The following LARGE1 variants were observed in gnomAD, a reference collection of about 807,000 sequenced individuals.
LARGE1 encodes xylosyl- and glucuronyltransferase LARGE1.
LARGE1 carries 43 observed loss-of-function variants against 87.6 expected under a neutral mutation model. The observed-to-expected ratio is 0.49, with a 90% CI of 0.38 to 0.63. LARGE1 has a LOEUF of 0.63. Ranked by LOEUF, LARGE1 falls within the 30% of genes least tolerant of loss-of-function variation. The pLI, the probability that LARGE1 is intolerant of heterozygous loss-of-function variation, is 0.00. For missense variants in LARGE1, 802 were observed against 1,000.2 expected (o/e 0.80, Z 2.67); for synonymous variants, 434 against 394.6 (o/e 1.10, Z -1.18).
At chr22:33,369,594 T>G (rs528770435) in intron 9 of LARGE1, among the ~76,000 whole-genome samples, 1 of 152,352 alleles carries the variant, frequency 6.6e-6, no homozygotes, top group South Asian at 2.1e-4. Flanking sequence ...AGACAGAGTC[T>G]TGCTCTATAG....
At chr22:33,554,973 G>A (rs1208466887) in intron 6 of LARGE1, among the ~76,000 whole-genome samples, 1 of 152,156 alleles carries the variant, frequency 6.6e-6, no homozygotes, top group Non-Finnish European at 1.5e-5. Context: ...CTTACACTGA[G>A]TTAGCCCACC....
intron 9 of LARGE1, among the ~76,000 whole-genome samples, chr22:33,355,248 C>T (rs1297569687): frequency 6.6e-6 from 1 of 152,188 alleles, no homozygotes; most frequent in African/African-American, 2.4e-5. Context: ...CTGGATACCT[C>T]TAAGCAATAT....
At chr22:33,206,376 G>C (rs1924684611) in intron 11 of LARGE1, among the ~76,000 whole-genome samples, 1 of 152,162 alleles carries the variant, frequency 6.6e-6, no homozygotes, top group South Asian at 2.1e-4. Context: ...ACAGGCGTGA[G>C]CCACCGTGAC....
chr22:33,902,671 G>C (rs2065317369), intron 1 of LARGE1, among the ~76,000 whole-genome samples: 1 of 152,158 alleles, frequency 6.6e-6, no homozygotes, highest in African/African-American at 2.4e-5. Context: ...ACTAATTTGT[G>C]TTTCAAACAA....
intron 6 of LARGE1, among the ~76,000 whole-genome samples, chr22:33,539,012 G>T (rs1463655834): frequency 1.3e-5 from 2 of 152,110 alleles, no homozygotes; most frequent in Admixed American, 6.5e-5. Context: ...GATTAGAAAA[G>T]AAATATAAAA....
At chr22:33,784,951 G>A (rs549382766) in intron 1 of LARGE1, among the ~76,000 whole-genome samples, 1 of 150,830 alleles carries the variant, frequency 6.6e-6, no homozygotes, top group East Asian at 2.0e-4. Context: ...GTGTATACAT[G>A]TGTACATGGG....
At chr22:33,275,189 A>T (rs1928987787) in intron 14 of LARGE1, among the ~76,000 whole-genome samples, 1 of 152,318 alleles carries the variant, frequency 6.6e-6, no homozygotes, top group East Asian at 1.9e-4. Context: ...TCCCTGACAC[A>T]TCTTTATCGC....
the LARGE1 span, among the ~76,000 whole-genome samples, chr22:33,095,794 C>T: frequency 3.3e-5 from 5 of 152,198 alleles, no homozygotes; most frequent in East Asian, 1.9e-4. Context: ...GTTTCCTCCC[C>T]GTAATGTGCC....
chr22:33,564,936 G>T lies in LARGE1; in HGVS notation c.699C>A (p.Ala233=). ...MKLVLTKTLP[A]NLERVIVLDT... The stretch of plus-strand genomic sequence containing the variant: ...CAAGGACGATGACTCTCTCCAGGTT[G>T]GCAGGAAGAGTCTTGGTCAGGACAA... The change falls in exon 6 of 15, where the codon GCC becomes GCA. Residue 233 remains alanine (A), a synonymous_variant. Coordinates refer to ENST00000397394, the MANE Select transcript of LARGE1 (RefSeq NM_133642.5). The T allele has an allele frequency of 6.2e-7, 1 of 1,613,958 alleles. No individual in the cohort carries two copies. The highest frequency in any genetic ancestry group is 2.2e-5 in the East Asian group (1 of 44,870).
intron 10 of LARGE1, 100 bp downstream of exon 10, chr22:33,337,546 G>T: frequency 7.0e-7 from 1 of 1,422,954 alleles, no homozygotes; most frequent in Non-Finnish European, 9.8e-7. Context: ...GTTCACCTAG[G>T]TCCTGCCATG....
At chr22:33,377,363 G>A (rs1321019459) in intron 9 of LARGE1, among the ~76,000 whole-genome samples, 2 of 152,218 alleles carry the variant, frequency 1.3e-5, no homozygotes, top group East Asian at 3.9e-4. Context: ...TGATCCTTTG[G>A]CCAAAGATAA....
chr22:33,104,892 T>TC, the LARGE1 span, among the ~76,000 whole-genome samples: 21 of 25,252 alleles, frequency 8.3e-4, no homozygotes, highest in Non-Finnish European at 1.2e-3. Flanking sequence ...TTTCTCTCTC[T>TC]TTCTTTCTTT....
chr22:33,360,795 C>T (rs976303723), intron 9 of LARGE1, among the ~76,000 whole-genome samples: 10 of 149,778 alleles, frequency 6.7e-5, no homozygotes, highest in African/African-American at 2.2e-4. Flanking sequence ...CCCAGCCCAC[C>T]GCCACTGGGC....
the LARGE1 span, among the ~76,000 whole-genome samples, chr22:33,098,792 C>T: frequency 6.6e-6 from 1 of 152,228 alleles, no homozygotes; most frequent in African/African-American, 2.4e-5. Flanking sequence ...AAATCCCACC[C>T]CACACCGCAC....
intron 1 of LARGE1, among the ~76,000 whole-genome samples, chr22:33,801,104 T>C (rs1462652903): frequency 1.3e-5 from 2 of 152,154 alleles, no homozygotes; most frequent in East Asian, 3.9e-4. Context: ...GGGTTTCCGC[T>C]TTTGCTTCTT....
At chr22:33,297,273 A>G (rs1251417467) in intron 12 of LARGE1, among the ~76,000 whole-genome samples, 2 of 152,084 alleles carry the variant, frequency 1.3e-5, no homozygotes, top group Non-Finnish European at 2.9e-5. Context: ...GCATTCCTAC[A>G]CAGTGTCAGA....
chr22:33,840,356 T>C (rs888257786), intron 1 of LARGE1, among the ~76,000 whole-genome samples: 16 of 150,356 alleles, frequency 1.1e-4, no homozygotes, highest in Non-Finnish European at 1.9e-4. Flanking sequence ...GCAGTTTTAC[T>C]TCCTGTCTTT....
At position 33,403,057 on chromosome 22, in the gene LARGE1, A is replaced by AAACAAC. The variant is rs75141421; in HGVS notation, c.893-18759_893-18754dup. 4.2e-3 allele frequency among the ~76,000 whole-genome samples: 631 copies of AAACAAC among 151,652 alleles called. 4 individuals are homozygous for AAACAAC. Among genetic ancestry groups the AAACAAC allele is most frequent in the African/African-American group, 0.014 (594 of 41,218 alleles). ...GGGCTATGGCTGTAAAAAACAAAAC[A>AAACAAC]AACAACAACAACAACAAAATACTAC... On this transcript the variant is annotated intron_variant, in intron 7 of 14. Transcript: ENST00000397394.
chr22:33,728,551 C>CGA (rs2083344789), intron 2 of LARGE1, among the ~76,000 whole-genome samples: 1 of 37,462 alleles, frequency 2.7e-5, no homozygotes, highest in Non-Finnish European at 6.8e-5. Context: ...CCCCTACCAC[C>CGA]AAAAAAAAAA....
Sources: gnomAD v4.1 joint callset for allele counts (sites outside exome capture counted in the v4.1 genomes callset) on GRCh38, gnomAD v4.1.1 for gene constraint, MANE v1.5 for transcripts, NCBI Gene and HGNC (gene_info 2026-07-23, HGNC 2026-07-21) for gene names.